Variants in ZNF285 observed in about 807,000 individuals in gnomAD.
ZNF285 encodes the protein zinc finger protein 285A.
Under a neutral mutation model 6.2 loss-of-function variants are expected in ZNF285, and 4 were observed. That is an observed-to-expected ratio of 0.65 (90% confidence interval 0.32 to 1.49). The LOEUF (loss-of-function observed/expected upper bound fraction) is 1.49. Among genes scored for constraint, ZNF285 ranks in the 40% most tolerant of loss-of-function variants. The pLI is 0.07. For synonymous variants in ZNF285, 240 were observed against 245.8 expected (o/e 0.98, Z 0.22); for missense variants, 695 against 708.8 (o/e 0.98, Z 0.22).
In ZNF285 at chr19:44,382,894, G is replaced by A. The variant is rs1971023846; in HGVS notation, c.*3578C>T. On this transcript the variant is annotated 3_prime_UTR_variant, in exon 4 of 4. Transcript: ENST00000614994. ...ATCAGGAAGAGAAAGCCGCTGGGAAGTTGAGTTCATGTAAAGCCCTTCCCA... is the reference window on the plus strand; with the variant it reads ...ATCAGGAAGAGAAAGCCGCTGGGAAATTGAGTTCATGTAAAGCCCTTCCCA... The A allele has an allele frequency of 6.6e-6, 1 of 152,196 alleles. No homozygotes were observed. The highest frequency in any genetic ancestry group is 1.5e-5 in the Non-Finnish European group (1 of 68,042). The allele number at this position is 152,196 out of a possible 1,614,324, so 9.4% of individuals were successfully genotyped here. A position where few individuals can be genotyped will look rare whatever the true frequency, so the allele number is the denominator to read the frequency against.
Position 44,385,000 on chromosome 19 carries a change from CAA to C in ZNF285, c.*1470_*1471del, listed in dbSNP as rs56735186. 0.017 allele frequency: 1,092 copies of C among 64,384 alleles called. 9 individuals carry two copies. The highest frequency in any genetic ancestry group is 0.062 in the African/African-American group (1,028 of 16,632). The allele number at this position is 64,384 out of a possible 1,614,324, so 4.0% of individuals were successfully genotyped here. A position where few individuals can be genotyped will look rare whatever the true frequency, so the allele number is the denominator to read the frequency against. ...GGGTGACACAGCAAGACCCTGTTTCCAAAAAAAAAAAAAAAAAAAAAAAGCAA... is the reference window on the plus strand; with the variant it reads ...GGGTGACACAGCAAGACCCTGTTTCCAAAAAAAAAAAAAAAAAAAAAGCAA... On this transcript the variant is annotated 3_prime_UTR_variant, in exon 4 of 4. Transcript: ENST00000614994.
At position 44,395,243 on chromosome 19, in the gene ZNF285, G is replaced by A. The variant is rs187199709; in HGVS notation, c.15+1956C>T. 6.6e-5 allele frequency among the ~76,000 whole-genome samples: 10 copies of A among 152,254 alleles called. No individual in the cohort carries two copies. The East Asian group carries it at 1.9e-3, about 29-fold the overall frequency. ...GAAGTATTCTTGTATAACCATCTAT[G>A]AAGTATGAATCTATTCAAGCATCTG... is the stretch of plus-strand genomic sequence containing the variant. On this transcript the variant is annotated intron_variant, in intron 2 of 3. Transcript: ENST00000614994.
At position 44,384,059 on chromosome 19, in the gene ZNF285, G is replaced by A. The variant is rs1477624347; in HGVS notation, c.*2413C>T. 1 of 152,178 alleles carries A rather than the reference G, an allele frequency of 6.6e-6. No homozygotes were observed. 9.4% of individuals were successfully genotyped at this position (152,178 alleles called of 1,614,324 possible). On this transcript the variant is annotated 3_prime_UTR_variant, in exon 4 of 4. Transcript: ENST00000614994. Reference sequence around the variant, plus strand: ...AACCCCAAAAGCTTCCTAGGATAATGTGTATCCCGGATTTTTTCTCTAACT... The same window carrying A: ...AACCCCAAAAGCTTCCTAGGATAATATGTATCCCGGATTTTTTCTCTAACT...
chr19:44,390,884 G>A (rs59131286), intron 3 of ZNF285, among the ~76,000 whole-genome samples: 5,536 of 152,010 alleles, frequency 0.036, 367 homozygotes, highest in African/African-American at 0.13. Context: ...AGCTGGGCAC[G>A]GTGGCTTGCA....
chr19:44,396,738 T>C (rs1384593809), intron 2 of ZNF285: 1 of 158,970 alleles, frequency 6.3e-6, no homozygotes, highest in African/African-American at 2.4e-5. Flanking sequence ...TCTCTTAATA[T>C]ATATCTCTTA....
At chr19:44,390,427 C>T (rs1315442097) in intron 3 of ZNF285, among the ~76,000 whole-genome samples, 1 of 152,128 alleles carries the variant, frequency 6.6e-6, no homozygotes, top group Non-Finnish European at 1.5e-5. Flanking sequence ...GGGCCTGTAG[C>T]CCCTTTGTTT....
intron 2 of ZNF285, among the ~76,000 whole-genome samples, chr19:44,394,248 C>A (rs941763724): frequency 7.2e-5 from 11 of 151,878 alleles, no homozygotes; most frequent in Admixed American, 2.0e-4. Flanking sequence ...ACATCACACA[C>A]CAGGGACTGT....
chr19:44,390,710 C>T (rs1488928828), intron 3 of ZNF285, among the ~76,000 whole-genome samples: 2 of 151,728 alleles, frequency 1.3e-5, no homozygotes, highest in African/African-American at 2.4e-5. Flanking sequence ...CTGGCTGTGT[C>T]CCCACCCAAA....
At chr19:44,388,586 A>C (rs1226473021) in intron 3 of ZNF285, among the ~76,000 whole-genome samples, 2 of 151,970 alleles carry the variant, frequency 1.3e-5, no homozygotes, top group Non-Finnish European at 2.9e-5. Flanking sequence ...ACACCGCAAA[A>C]AGGAATAAAA....
intron 3 of ZNF285, 111 bp downstream of exon 3, chr19:44,392,229 T>C: frequency 6.4e-7 from 1 of 1,552,378 alleles, no homozygotes. Context: ...TCTTAGGAGT[T>C]TTCTTTCCAG....
At position 44,387,307 on chromosome 19, in the gene ZNF285, T is replaced by C. The variant is rs777979450; in HGVS notation, c.938A>G (p.Asp313Gly). Residue 313 changes from aspartate to glycine, a missense_variant, in exon 4 of 4, where the codon GAC becomes GGC. Coordinates refer to ENST00000614994, the MANE Select transcript of ZNF285 (RefSeq NM_152354.6). ...LPRYQKVSSG[D>G]KPYKCKECGK... ...ACATTCTTTACATTTGTAGGGTTTG[T>C]CTCCTGAGGAGACTTTCTGATATCT... is the stretch of plus-strand genomic sequence containing the variant. The C allele has an allele frequency of 4.3e-6, 7 of 1,614,032 alleles. No individual in the cohort carries two copies. In the African/African-American group the frequency reaches 9.3e-5, roughly 22 times the overall value.
In ZNF285 at chr19:44,387,571, G is replaced by A. The variant is rs1971111713; in HGVS notation, c.674C>T (p.Ala225Val). 2 of 1,613,878 alleles carry A rather than the reference G, an allele frequency of 1.2e-6. No homozygotes were observed. Among genetic ancestry groups the A allele is most frequent in the Non-Finnish European group, 1.7e-6 (2 of 1,179,854 alleles). Residue 225 changes from alanine to valine, a missense_variant, in exon 4 of 4, where the codon GCC (alanine) becomes GTC (valine). Coordinates refer to ENST00000614994, the MANE Select transcript of ZNF285 (RefSeq NM_152354.6). ...TGGGAAAGGCTGTGGTAATACATGG[G>A]CCGCATTACGTTTTTCAACCGTTGA... Reference protein sequence around the residue: ...MKSTVEKRNAAHVLPQPFPCN... With the variant: ...MKSTVEKRNAVHVLPQPFPCN...
chr19:44,388,579 C>T (rs980575681), intron 3 of ZNF285, among the ~76,000 whole-genome samples: 2 of 151,826 alleles, frequency 1.3e-5, no homozygotes, highest in African/African-American at 4.8e-5. Flanking sequence ...CACCCCCACA[C>T]CGCAAAAAGG....
At chr19:44,397,032 T>G (rs1971292395) in intron 2 of ZNF285, 167 bp downstream of exon 2, 1 of 932,646 alleles carries the variant, frequency 1.1e-6, no homozygotes, top group Non-Finnish European at 1.6e-6. Flanking sequence ...GTTTCTTCAC[T>G]TCTATAAAGG....
Position 44,388,983 on chromosome 19 carries a change from T to C in ZNF285, c.143-881A>G, listed in dbSNP as rs571295758. Among the ~76,000 whole-genome samples the C allele has an allele frequency of 5.8e-3, 830 of 143,764 alleles. 4 individuals carry two copies. Among genetic ancestry groups the C allele is most frequent in the African/African-American group, 0.022 (760 of 34,476 alleles). 94.3% of individuals were successfully genotyped at this position (143,764 alleles called of 152,430 possible). ...GGGTAAACATTGTGAAATATGATCC[T>C]GGCGTTGTGCGGGGATGCGTATGTA... On this transcript the variant is annotated intron_variant, in intron 3 of 3. Transcript: ENST00000614994.
At chr19:44,394,338 C>T (rs1971244841) in intron 2 of ZNF285, among the ~76,000 whole-genome samples, 1 of 151,848 alleles carries the variant, frequency 6.6e-6, no homozygotes, top group Non-Finnish European at 1.5e-5. Context: ...GTGCAGCACA[C>T]CAACATGGCA....
intron 3 of ZNF285, among the ~76,000 whole-genome samples, chr19:44,391,184 G>A (rs1971189335): frequency 6.6e-6 from 1 of 151,422 alleles, no homozygotes; most frequent in Non-Finnish European, 1.5e-5. Context: ...CCCTGCACAA[G>A]CTCTCTTCTC....
intron 2 of ZNF285, among the ~76,000 whole-genome samples, chr19:44,393,470 TG>T (rs1304693255): frequency 6.6e-6 from 1 of 152,160 alleles, no homozygotes; most frequent in Non-Finnish European, 1.5e-5. Flanking sequence ...CACTTTTTGA[TG>T]GGGTTGTTTT....
At chr19:44,388,419 A>G (rs1480601975) in intron 3 of ZNF285, among the ~76,000 whole-genome samples, 1 of 151,138 alleles carries the variant, frequency 6.6e-6, no homozygotes, top group Admixed American at 6.6e-5. Context: ...CATCTCTACA[A>G]AAAAATTAAA....
Sources: gnomAD v4.1 joint callset for allele counts (sites outside exome capture counted in the v4.1 genomes callset) on GRCh38, gnomAD v4.1.1 for gene constraint, MANE v1.5 for transcripts, NCBI Gene and HGNC (gene_info 2026-07-23, HGNC 2026-07-21) for gene names.